The following AKR1C2 variants were observed in gnomAD, a reference collection of about 807,000 sequenced individuals.
AKR1C2 encodes the protein 3-alpha-HSD3.
AKR1C2 carries 27 observed loss-of-function variants against 39.8 expected under a neutral mutation model. That is an observed-to-expected ratio of 0.68 (90% CI 0.50 to 0.93). The LOEUF is 0.93. AKR1C2 is among the 40% of genes least tolerant of loss of function. AKR1C2 has a pLI of 0.00. For synonymous variants in AKR1C2, 114 were observed against 137.9 expected, an observed-to-expected ratio of 0.83 and a Z score of 1.22; for missense variants, 263 against 365.1, an observed-to-expected ratio of 0.72 and a Z score of 2.28.
chr10:4,995,892 T>A (rs782788362), intron 5 of AKR1C2, 27 bp from the exon 6 acceptor site: 28 of 1,601,782 alleles, frequency 1.7e-5, no homozygotes, highest in Non-Finnish European at 2.4e-5. Context: ...TGGAAAAGCA[T>A]CAGATAATCC....
In AKR1C2 at chr10:4,988,102, T is replaced by G. The variant is rs764746619; in HGVS notation, c.*1894A>C. 7 of 152,196 alleles carry G rather than the reference T, an allele frequency of 4.6e-5. No individual in the cohort carries two copies. The highest frequency in any genetic ancestry group is 1.0e-4 in the Non-Finnish European group (7 of 68,046). 9.4% of individuals were successfully genotyped at this position (152,196 alleles called of 1,614,324 possible). A position where few individuals can be genotyped will look rare whatever the true frequency, so the allele number is the denominator to read the frequency against. Reference sequence around the variant, plus strand: ...TACTATTTACAAATGACTGACCTAATGATTATTTCACATCTTGAAAAAAGA... The same window carrying G: ...TACTATTTACAAATGACTGACCTAAGGATTATTTCACATCTTGAAAAAAGA... On this transcript the variant is annotated 3_prime_UTR_variant, in exon 9 of 9. Transcript: ENST00000380753.
In AKR1C2 at chr10:4,988,421, GA is replaced by G. The variant is rs1836731246; in HGVS notation, c.*1574del. On this transcript the variant is annotated 3_prime_UTR_variant, in exon 9 of 9. Transcript: ENST00000380753. ...AGATTTGGAGGAAAACGCTGAGCTA[GA>G]AATATTTTTTGGTGGATTTCTCAGC... 8.3e-6 allele frequency: 1 copy of G among 120,988 alleles called. No homozygotes were observed. The highest frequency in any genetic ancestry group is 2.8e-5 in the African/African-American group (1 of 36,320). The allele number at this position is 120,988 out of a possible 1,614,324, so 7.5% of individuals were successfully genotyped here.
At chr10:5,003,962 G>A (rs1241101599), upstream of AKR1C2, 3 of 657,822 alleles carry the variant, frequency 4.6e-6, no homozygotes, top group Non-Finnish European at 8.0e-6. Context: ...AGGGACAGAG[G>A]CAGTCTTACA....
chr10:5,001,237 G>T (rs1337758235), intron 2 of AKR1C2, among the ~76,000 whole-genome samples: 1 of 152,164 alleles, frequency 6.6e-6, no homozygotes, highest in Admixed American at 6.5e-5. Context: ...ATATGATTAA[G>T]ATTATCTCTC....
At chr10:5,003,878 C>A (rs782699980), upstream of AKR1C2, 26 of 1,611,350 alleles carry the variant, frequency 1.6e-5, no homozygotes, top group Middle Eastern at 6.6e-4. Context: ...TCCTCCCTCA[C>A]AGGCTATAAG....
chr10:4,994,629 G>C (rs1258037798), intron 7 of AKR1C2, among the ~76,000 whole-genome samples: 1 of 151,834 alleles, frequency 6.6e-6, no homozygotes, highest in East Asian at 1.9e-4. Context: ...CATGGGAGAG[G>C]GGGGCACTCA....
chr10:5,007,755 A>T (rs1279008510), upstream of AKR1C2, among the ~76,000 whole-genome samples: 1 of 151,658 alleles, frequency 6.6e-6, no homozygotes, highest in Non-Finnish European at 1.5e-5. Flanking sequence ...GAGATCCAAG[A>T]AAAATTTCTA....
At chr10:5,003,530 T>G (rs1353429068) in intron 1 of AKR1C2, among the ~76,000 whole-genome samples, 1 of 151,082 alleles carries the variant, frequency 6.6e-6, no homozygotes, top group Non-Finnish European at 1.5e-5. Context: ...TCTGCTGAGT[T>G]TTATAGACTC....
chr10:5,008,241 A>C (rs1159260830), upstream of AKR1C2, among the ~76,000 whole-genome samples: 6 of 140,262 alleles, frequency 4.3e-5, no homozygotes, highest in Non-Finnish European at 9.6e-5. Context: ...ACATTGCCTA[A>C]ATAAAAGCTT....
chr10:5,004,407 A>G (rs1837355898), upstream of AKR1C2, among the ~76,000 whole-genome samples: 2 of 152,182 alleles, frequency 1.3e-5, no homozygotes, highest in Non-Finnish European at 2.9e-5. Flanking sequence ...GCCTTGTAAG[A>G]GAAACATCCC....
chr10:5,009,124 T>C (rs1326968953), intron 1 of AKR1C2, among the ~76,000 whole-genome samples: 1 of 152,172 alleles, frequency 6.6e-6, no homozygotes, highest in East Asian at 1.9e-4. Flanking sequence ...GAGAAAATTT[T>C]GGGGAAAAGA....
chr10:5,012,524 T>A (rs1350796222), intron 1 of AKR1C2, among the ~76,000 whole-genome samples: 1 of 150,282 alleles, frequency 6.7e-6, no homozygotes, highest in Non-Finnish European at 1.5e-5. Context: ...GATCCTAAGA[T>A]GCCATGCAGT....
In AKR1C2 at chr10:4,988,361, G is replaced by A. The variant is rs1836728616; in HGVS notation, c.*1635C>T. The stretch of plus-strand genomic sequence containing the variant: ...GTGAATGTCCATTAAACTTTAACAT[G>A]GAGATGCAGAGTTCACATTATGATC... On this transcript the variant is annotated 3_prime_UTR_variant, in exon 9 of 9. Transcript: ENST00000380753. The A allele has an allele frequency of 6.6e-6, 1 of 152,174 alleles. No homozygotes were observed. The highest frequency in any genetic ancestry group is 2.1e-4 in the South Asian group (1 of 4,830). The allele number at this position is 152,174 out of a possible 1,614,324, so 9.4% of individuals were successfully genotyped here.
chr10:4,989,886 A>T lies in AKR1C2; in HGVS notation c.*110T>A, dbSNP rs1368998772. ...CTGTAGCTTACTGAAGTCGCCAAGC[A>T]GGAGAGATTTAACCAGAGGCGATGT... On this transcript the variant is annotated 3_prime_UTR_variant, in exon 9 of 9. Transcript: ENST00000380753. 6.9e-7 allele frequency: 1 copy of T among 1,447,914 alleles called. No individual in the cohort carries two copies. The highest frequency in any genetic ancestry group is 2.2e-5 in the Admixed American group (1 of 46,330). 89.7% of individuals were successfully genotyped at this position (1,447,914 alleles called of 1,614,324 possible). A position where few individuals can be genotyped will look rare whatever the true frequency, so the allele number is the denominator to read the frequency against.
chr10:5,005,105 T>C (rs151303386), upstream of AKR1C2, among the ~76,000 whole-genome samples: 2 of 151,912 alleles, frequency 1.3e-5, no homozygotes, highest in African/African-American at 2.4e-5. Context: ...GGAAGAGACA[T>C]GCAATAGTCC....
Position 4,987,841 on chromosome 10 carries a change from T to C in AKR1C2, c.*2155A>G, listed in dbSNP as rs1322183554. The C allele has an allele frequency of 7.3e-6, 1 of 137,836 alleles. No homozygotes were observed. The highest frequency in any genetic ancestry group is 1.6e-5 in the Non-Finnish European group (1 of 64,408). 8.5% of individuals were successfully genotyped at this position (137,836 alleles called of 1,614,324 possible). A position where few individuals can be genotyped will look rare whatever the true frequency, so the allele number is the denominator to read the frequency against. On this transcript the variant is annotated 3_prime_UTR_variant, in exon 9 of 9. Coordinates refer to ENST00000380753, the MANE Select transcript of AKR1C2 (RefSeq NM_001393392.1). ...TTTACAAGAAGTCTTTATAACTCTATATGGCTGTAAGTTACTATTTCCTTT... is the reference window on the plus strand; with the variant it reads ...TTTACAAGAAGTCTTTATAACTCTACATGGCTGTAAGTTACTATTTCCTTT...
rs1836723512 is a variant in AKR1C2 at position 4,988,172 on chromosome 10, C to T, written c.*1824G>A. The T allele has an allele frequency of 6.6e-6, 1 of 152,140 alleles. No individual in the cohort carries two copies. Among genetic ancestry groups the T allele is most frequent in the African/African-American group, 2.4e-5 (1 of 41,424 alleles). 9.4% of individuals were successfully genotyped at this position (152,140 alleles called of 1,614,324 possible). ...TTTGAAATATGAAAGTCTGCTTAAG[C>T]GTTACACACTTGGCTACGAAGTTTT... is the stretch of plus-strand genomic sequence containing the variant. On this transcript the variant is annotated 3_prime_UTR_variant, in exon 9 of 9. Transcript: ENST00000380753.
At position 5,003,614 on chromosome 10, in the gene AKR1C2, A is replaced by G. The variant is rs1837335469; in HGVS notation, c.84+138T>C. 3 of 1,046,460 alleles carry G rather than the reference A, an allele frequency of 2.9e-6. No homozygotes were observed. The South Asian group carries it at 4.1e-5, about 14-fold the overall frequency. The allele number at this position is 1,046,460 out of a possible 1,614,324, so 64.8% of individuals were successfully genotyped here. A position where few individuals can be genotyped will look rare whatever the true frequency, so the allele number is the denominator to read the frequency against. On this transcript the variant is annotated intron_variant, in intron 1 of 8. Transcript: ENST00000380753. ...ATAAGCAGTAGATGACCCTGTGACA[A>G]GACGGCATTGCAGAACAAAGACTGA...
rs187468986 is a variant in AKR1C2 at position 5,000,647 on chromosome 10, C to A, written c.272G>T (p.Arg91Leu). Residue 91 changes from arginine to leucine, a missense_variant, in exon 3 of 9, where the codon CGA becomes CTA. Physicochemically the swap from Arg to Leu is moderately radical, Grantham distance 102. Coordinates refer to ENST00000380753, the MANE Select transcript of AKR1C2 (RefSeq NM_001393392.1). ...YTSKLWSNSH[R>L]PELVRPALER... ...CAAGGCTGGTCGGACCAACTCTGGT[C>A]GATGGGAATTGCTCCAAAGCTGCAG... The A allele has an allele frequency of 6.2e-6, 10 of 1,613,752 alleles. No homozygotes were observed. The highest frequency in any genetic ancestry group is 1.1e-5 in the South Asian group (1 of 91,004).
Sources: gnomAD v4.1 joint callset for allele counts (sites outside exome capture counted in the v4.1 genomes callset) on GRCh38, gnomAD v4.1.1 for gene constraint, MANE v1.5 for transcripts, NCBI Gene and HGNC (gene_info 2026-07-23, HGNC 2026-07-21) for gene names.